SLC10A7: variants seen among roughly 807,000 people sequenced by gnomAD.
SLC10A7 encodes the protein sodium/bile acid cotransporter 7.
Under a neutral mutation model 43.2 loss-of-function variants are expected in SLC10A7, and 29 were observed. The observed-to-expected ratio is 0.67, with a 90% CI of 0.50 to 0.92. The LOEUF (loss-of-function observed/expected upper bound fraction) is 0.92, where lower values mean the gene tolerates loss of function less well. Among genes scored for constraint, SLC10A7 ranks in the 40% least tolerant of loss-of-function variants. SLC10A7 has a pLI of 0.00. For synonymous variants in SLC10A7, 152 were observed against 144.8 expected, an observed-to-expected ratio of 1.05 and a Z score of -0.35; for missense variants, 295 against 403.2, an observed-to-expected ratio of 0.73 and a Z score of 2.30.
intron 5 of SLC10A7, among the ~76,000 whole-genome samples, chr4:146,422,560 A>G (rs1359320031): frequency 6.6e-6 from 1 of 152,322 alleles, no homozygotes; most frequent in East Asian, 1.9e-4. Flanking sequence ...AAAAAGTTTA[A>G]TAAGTGGACT....
chr4:146,293,855 T>C, intron 8 of SLC10A7, 75 bp downstream of exon 8: 1 of 930,222 alleles, frequency 1.1e-6, no homozygotes, highest in Non-Finnish European at 1.5e-6. Context: ...GACATGAATT[T>C]AGAGAACACA....
intron 5 of SLC10A7, among the ~76,000 whole-genome samples, chr4:146,338,401 A>G (rs992518370): frequency 2.0e-5 from 3 of 151,962 alleles, no homozygotes; most frequent in African/African-American, 7.2e-5. Flanking sequence ...ATTGAGGTAC[A>G]TAGACAAGGA....
At chr4:146,459,591 A>C (rs1732356930) in intron 4 of SLC10A7, among the ~76,000 whole-genome samples, 1 of 151,360 alleles carries the variant, frequency 6.6e-6, no homozygotes, top group South Asian at 2.1e-4. Context: ...TCTTTTCAAT[A>C]GGTGGTAACT....
chr4:146,334,606 G>C (rs1733752460), intron 5 of SLC10A7, among the ~76,000 whole-genome samples: 1 of 152,080 alleles, frequency 6.6e-6, no homozygotes, highest in Admixed American at 6.6e-5. Context: ...ATAGAAAAGA[G>C]GCAAAAGGGG....
chr4:146,440,079 T>C (rs1730480122), intron 5 of SLC10A7, among the ~76,000 whole-genome samples: 1 of 152,286 alleles, frequency 6.6e-6, no homozygotes, highest in Admixed American at 6.5e-5. Context: ...ATGTACTAGA[T>C]GTCTCGATAT....
intron 10 of SLC10A7, among the ~76,000 whole-genome samples, chr4:146,279,530 G>C (rs1446020666): frequency 2.0e-5 from 3 of 152,114 alleles, no homozygotes; most frequent in Non-Finnish European, 4.4e-5. Flanking sequence ...CATCAAACTA[G>C]AGAATACTTT....
intron 4 of SLC10A7, among the ~76,000 whole-genome samples, chr4:146,472,561 G>C (rs759972912): frequency 6.6e-6 from 1 of 151,870 alleles, no homozygotes; most frequent in Non-Finnish European, 1.5e-5. Context: ...AGAGGGCAGC[G>C]GGCTCATGCA....
intron 9 of SLC10A7, among the ~76,000 whole-genome samples, chr4:146,289,940 T>C (rs1353975370): frequency 6.7e-6 from 1 of 149,880 alleles, no homozygotes; most frequent in Admixed American, 6.6e-5. Context: ...GGTTTTGAAC[T>C]CCTGACCTCG....
intron 6 of SLC10A7, among the ~76,000 whole-genome samples, chr4:146,312,884 T>A (rs1452841051): frequency 6.6e-6 from 1 of 152,152 alleles, no homozygotes; most frequent in East Asian, 1.9e-4. Flanking sequence ...TGGCTTGTTC[T>A]AACCTAGAGG....
At chr4:146,304,179 A>C (rs1033413692) in intron 7 of SLC10A7, among the ~76,000 whole-genome samples, 1 of 52,198 alleles carries the variant, frequency 1.9e-5, no homozygotes, top group Non-Finnish European at 3.9e-5. Flanking sequence ...AGAATGACAA[A>C]GTAAACCCTA....
At chr4:146,404,271 C>T (rs375588116) in intron 5 of SLC10A7, among the ~76,000 whole-genome samples, 8 of 152,138 alleles carry the variant, frequency 5.3e-5, no homozygotes, top group African/African-American at 9.7e-5. Flanking sequence ...CCAATTGCCT[C>T]GGCCGCCCAA....
chr4:146,351,131 T>C (rs1430489765), intron 5 of SLC10A7, among the ~76,000 whole-genome samples: 1,739 of 151,052 alleles, frequency 0.012, 16 homozygotes, highest in Non-Finnish European at 0.018. Flanking sequence ...TTGAAAACTT[T>C]GAAAAAAATT....
At chr4:146,488,447 C>T (rs1423390820) in intron 4 of SLC10A7, among the ~76,000 whole-genome samples, 1 of 152,126 alleles carries the variant, frequency 6.6e-6, no homozygotes, top group Admixed American at 6.5e-5. Flanking sequence ...ATTTTTCCCA[C>T]ATGAGATATT....
chr4:146,281,457 G>A (rs931384336), intron 10 of SLC10A7, among the ~76,000 whole-genome samples: 3 of 151,924 alleles, frequency 2.0e-5, no homozygotes, highest in Non-Finnish European at 2.9e-5. Context: ...AGTGGGTCAG[G>A]TTTGCAAGCC....
Position 146,521,906 on chromosome 4 carries a change from T to A in SLC10A7, c.-189A>T. ...CGGCGGCTTTGAGGAGGGTTGGGAG[T>A]AGTAGTAGCCAGTGACAGGAAAGTC... On this transcript the variant is annotated 5_prime_UTR_variant, in exon 1 of 12. Transcript: ENST00000335472. 1.8e-6 allele frequency: 1 copy of A among 559,906 alleles called. No homozygotes were observed. Among genetic ancestry groups the A allele is most frequent in the East Asian group, 3.1e-5 (1 of 32,742 alleles). The allele number at this position is 559,906 out of a possible 1,614,324, so 34.7% of individuals were successfully genotyped here.
chr4:146,278,979 A>G (rs543909284), intron 10 of SLC10A7, among the ~76,000 whole-genome samples: 2 of 152,192 alleles, frequency 1.3e-5, no homozygotes, highest in Non-Finnish European at 2.9e-5. Flanking sequence ...CATATAAACA[A>G]TGTAAGAAAT....
chr4:146,429,874 GA>G (rs1484943302), intron 5 of SLC10A7, among the ~76,000 whole-genome samples: 2 of 151,098 alleles, frequency 1.3e-5, no homozygotes, highest in Non-Finnish European at 3.0e-5. Flanking sequence ...TAAAGGCAAT[GA>G]AAAAAAATCC....
intron 9 of SLC10A7, among the ~76,000 whole-genome samples, chr4:146,285,246 G>A (rs1027585775): frequency 1.3e-5 from 2 of 152,160 alleles, no homozygotes; most frequent in Admixed American, 6.5e-5. Context: ...TTAAGGAGAA[G>A]TGATCACACA....
chr4:146,298,163 G>A (rs1730912007), intron 7 of SLC10A7, among the ~76,000 whole-genome samples: 2 of 152,146 alleles, frequency 1.3e-5, no homozygotes, highest in Non-Finnish European at 2.9e-5. Flanking sequence ...TGCCTCATCT[G>A]TGATATAACA....
Sources: allele counts gnomAD v4.1 joint callset (sites outside exome capture counted in the v4.1 genomes callset), GRCh38; gene constraint gnomAD v4.1.1; transcripts MANE v1.5; gene names NCBI Gene and HGNC (gene_info 2026-07-23, HGNC 2026-07-21).